The following ZMPSTE24 variants were observed in gnomAD, a reference collection of about 807,000 sequenced individuals.
The protein encoded by ZMPSTE24 is zinc metallopeptidase STE24.
A neutral mutation model predicts 56.7 loss-of-function variants in ZMPSTE24; 48 were observed. The observed-to-expected ratio is 0.85, with a 90% confidence interval of 0.67 to 1.08. The LOEUF is 1.08. ZMPSTE24 is among the 50% of genes least tolerant of loss of function. The probability of loss-of-function intolerance (pLI) is 0.00; values close to 1 mark genes in which losing one functional copy is unlikely to be tolerated. For missense variants in ZMPSTE24, 503 were observed against 548.7 expected (o/e 0.92, Z 0.83); for synonymous variants, 172 against 195.2 (o/e 0.88, Z 0.99).
At chr1:40,260,694 A>G in intron 1 of ZMPSTE24, 145 bp from the exon 2 acceptor site, 1 of 760,354 alleles carries the variant, frequency 1.3e-6, no homozygotes, top group Middle Eastern at 3.7e-4. Context: ...CGTTTCATGT[A>G]CTTGATCAAG....
intron 6 of ZMPSTE24, 45 bp downstream of exon 6, chr1:40,272,080 T>C: frequency 6.5e-7 from 1 of 1,539,142 alleles, no homozygotes; most frequent in Non-Finnish European, 8.7e-7. Context: ...AGTGGTTTGT[T>C]TTATTTGATA....
chr1:40,276,208 T>C (rs921756134), intron 6 of ZMPSTE24, among the ~76,000 whole-genome samples: 1 of 152,206 alleles, frequency 6.6e-6, no homozygotes, highest in African/African-American at 2.4e-5. Flanking sequence ...TCTATAGACA[T>C]CCCTGTGGAG....
At position 40,285,953 on chromosome 1, in the gene ZMPSTE24, A is replaced by G. The variant is rs924918786; in HGVS notation, c.983A>G (p.Glu328Gly). ...KNKKQGCKNE[E>G]VLAVLGHELG... is the part of the protein sequence containing the mutation. ...AAGAAACAAGGATGTAAAAATGAGG[A>G]GGTACTCGCTGTACTAGGCCATGAA... The change falls in exon 8 of 10, where the codon GAG becomes GGG. Residue 328 changes from glutamate to glycine, a missense_variant. By Grantham distance (98) the Glu-to-Gly change is moderately conservative (BLOSUM62 -2). Coordinates refer to ENST00000372759, the MANE Select transcript of ZMPSTE24 (RefSeq NM_005857.5). 4.3e-6 allele frequency: 7 copies of G among 1,613,830 alleles called. No homozygotes were observed. In the African/African-American group the frequency reaches 9.3e-5, roughly 22 times the overall value.
chr1:40,283,324 C>T (rs192524970), intron 7 of ZMPSTE24, among the ~76,000 whole-genome samples: 1 of 152,062 alleles, frequency 6.6e-6, no homozygotes, highest in East Asian at 1.9e-4. Flanking sequence ...GCCAACATGA[C>T]GAAACCCCTG....
chr1:40,268,601 G>A, intron 4 of ZMPSTE24, 66 bp downstream of exon 4: 1 of 1,037,290 alleles, frequency 9.6e-7, no homozygotes, highest in Non-Finnish European at 1.4e-6. Flanking sequence ...GTCCTGTACT[G>A]TTTATAATTT....
In ZMPSTE24 at chr1:40,271,998, T is replaced by A; in HGVS notation, c.732T>A (p.Ser244Arg). ...LKEEIEVMAK[S>R]IDFPLTKVYV... ...AAGAAATTGAAGTAATGGCAAAGAGTATTGACTTTCCTTTGACGAAGGTGT... is the reference window on the plus strand; with the variant it reads ...AAGAAATTGAAGTAATGGCAAAGAGAATTGACTTTCCTTTGACGAAGGTGT... The change falls in exon 6 of 10, where the codon AGT becomes AGA. Residue 244 changes from serine to arginine, a missense_variant. Ser to Arg is a moderately radical substitution (Grantham distance 110). Coordinates refer to ENST00000372759, the MANE Select transcript of ZMPSTE24 (RefSeq NM_005857.5). 6.2e-7 allele frequency: 1 copy of A among 1,612,384 alleles called. No homozygotes were observed. The highest frequency in any genetic ancestry group is 1.3e-5 in the African/African-American group (1 of 74,954).
chr1:40,282,779 C>T (rs1458100362), intron 7 of ZMPSTE24, among the ~76,000 whole-genome samples: 1 of 152,068 alleles, frequency 6.6e-6, no homozygotes, highest in Non-Finnish European at 1.5e-5. Context: ...TAGCAGCATC[C>T]CTGGTCTCTC....
chr1:40,266,627 C>T (rs1327698446), intron 2 of ZMPSTE24, among the ~76,000 whole-genome samples: 3 of 152,126 alleles, frequency 2.0e-5, no homozygotes, highest in Admixed American at 6.5e-5. Context: ...AGTAAGTGGA[C>T]ATGACTCTCC....
intron 1 of ZMPSTE24, chr1:40,259,663 A>G (rs1277120001): frequency 6.6e-6 from 1 of 152,222 alleles, no homozygotes; most frequent in Non-Finnish European, 1.5e-5. Flanking sequence ...GGAGCACAGT[A>G]GCATCATCAT....
rs181191686 is a variant in ZMPSTE24 at position 40,288,359 on chromosome 1, G to C, written c.1059+2330G>C. Reference sequence around the variant, plus strand: ...TAAGTCCAGGTCCAAGTTCAATTGAGTTTTCAGTCTAATAAGGAAAATCAC... The same window carrying C: ...TAAGTCCAGGTCCAAGTTCAATTGACTTTTCAGTCTAATAAGGAAAATCAC... On this transcript the variant is annotated intron_variant, in intron 8 of 9. Coordinates refer to ENST00000372759, the MANE Select transcript of ZMPSTE24 (RefSeq NM_005857.5). Among the ~76,000 whole-genome samples the C allele has an allele frequency of 1.2e-4, 19 of 152,268 alleles. No homozygotes were observed. The East Asian group carries it at 2.5e-3, about 20-fold the overall frequency.
At chr1:40,269,426 TC>T (rs1429256107) in intron 4 of ZMPSTE24, among the ~76,000 whole-genome samples, 1 of 152,030 alleles carries the variant, frequency 6.6e-6, no homozygotes, top group African/African-American at 2.4e-5. Flanking sequence ...TGTTATAAAC[TC>T]CTTTAGCACT....
intron 7 of ZMPSTE24, 48 bp downstream of exon 7, chr1:40,281,575 T>C (rs1382515164): frequency 5.1e-6 from 8 of 1,571,058 alleles, no homozygotes; most frequent in Non-Finnish European, 7.0e-6. Context: ...TTATACACAG[T>C]TCCTGTGACA....
At chr1:40,280,026 G>C (rs1643711822) in intron 6 of ZMPSTE24, among the ~76,000 whole-genome samples, 1 of 152,120 alleles carries the variant, frequency 6.6e-6, no homozygotes, top group South Asian at 2.1e-4. Flanking sequence ...TGTAAAATAA[G>C]AGAAGACGAC....
At chr1:40,270,248 C>T in intron 5 of ZMPSTE24, 121 bp downstream of exon 5, 4 of 1,164,016 alleles carry the variant, frequency 3.4e-6, no homozygotes, top group South Asian at 2.6e-5. Flanking sequence ...TGCTTATATA[C>T]ATTTCCCCCT....
At chr1:40,289,884 A>C (rs71648511) in intron 8 of ZMPSTE24, among the ~76,000 whole-genome samples, 6,224 of 152,142 alleles carry the variant, frequency 0.041, 184 homozygotes, top group Non-Finnish European at 0.061. Flanking sequence ...GTCAGGTGGG[A>C]GGCGTTGTAT....
intron 7 of ZMPSTE24, among the ~76,000 whole-genome samples, chr1:40,281,769 A>C (rs1015821753): frequency 6.6e-6 from 1 of 152,188 alleles, no homozygotes; most frequent in African/African-American, 2.4e-5. Flanking sequence ...AAGAAAATTC[A>C]TATGATTATA....
chr1:40,258,324 G>A lies in ZMPSTE24; in HGVS notation c.53G>A (p.Arg18His). ...TTGTGGGAGATGCCGGCCGAGAAGCGTATCTTCGGGGCCGTGCTGCTCTTT... is the reference window on the plus strand; with the variant it reads ...TTGTGGGAGATGCCGGCCGAGAAGCATATCTTCGGGGCCGTGCTGCTCTTT... Reference protein sequence around the residue: ...DALWEMPAEKRIFGAVLLFSW... With the variant: ...DALWEMPAEKHIFGAVLLFSW... The change falls in exon 1 of 10, where the codon CGT (arginine) becomes CAT (histidine). Residue 18 changes from arginine (R) to histidine (H), a missense_variant. Arg to His is a conservative substitution (Grantham distance 29). Coordinates refer to ENST00000372759, the MANE Select transcript of ZMPSTE24 (RefSeq NM_005857.5). 1 of 1,614,144 alleles carries A rather than the reference G, an allele frequency of 6.2e-7. No homozygotes were observed. Among genetic ancestry groups the A allele is most frequent in the Non-Finnish European group, 8.5e-7 (1 of 1,180,042 alleles).
chr1:40,287,762 G>A (rs1272656040), intron 8 of ZMPSTE24, among the ~76,000 whole-genome samples: 1 of 152,068 alleles, frequency 6.6e-6, no homozygotes, highest in East Asian at 1.9e-4. Flanking sequence ...CCTCTTCTCG[G>A]TTCTAGAACC....
intron 6 of ZMPSTE24, among the ~76,000 whole-genome samples, chr1:40,276,089 A>C (rs1643668465): frequency 6.6e-6 from 1 of 152,226 alleles, no homozygotes; most frequent in Non-Finnish European, 1.5e-5. Context: ...TAGATTTCTC[A>C]AATGAGAAGC....
Sources: allele counts gnomAD v4.1 joint callset (sites outside exome capture counted in the v4.1 genomes callset), GRCh38; gene constraint gnomAD v4.1.1; transcripts MANE v1.5; gene names NCBI Gene and HGNC (gene_info 2026-07-23, HGNC 2026-07-21).